EPHA6: variants seen among roughly 807,000 people sequenced by gnomAD.
EPHA6 encodes the protein ephrin type-A receptor 6.
In EPHA6, 50 loss-of-function variants were observed where a neutral mutation model predicts 112.0. That is an observed-to-expected ratio of 0.45 (90% CI 0.36 to 0.56). The LOEUF is 0.56. EPHA6 is among the 20% of genes least tolerant of loss of function. The pLI, the probability that EPHA6 is intolerant of heterozygous loss-of-function variation, is 0.00. For synonymous variants in EPHA6, 529 were observed against 490.7 expected (o/e 1.08, Z -1.03); for missense variants, 1,280 against 1,417.4 (o/e 0.90, Z 1.56).
intron 4 of EPHA6, among the ~76,000 whole-genome samples, chr3:97,236,585 T>C (rs2108566464): frequency 6.6e-6 from 1 of 152,272 alleles, no homozygotes; most frequent in South Asian, 2.1e-4. Flanking sequence ...TCTTTTGTAT[T>C]GTTTTATCTA....
intron 3 of EPHA6, among the ~76,000 whole-genome samples, chr3:97,070,874 T>A (rs2046328815): frequency 6.6e-6 from 1 of 152,136 alleles, no homozygotes; most frequent in Non-Finnish European, 1.5e-5. Context: ...AAGTTTTCTA[T>A]CAAATTTTAG....
At chr3:97,187,613 GAAAA>G (rs1247735291) in intron 3 of EPHA6, among the ~76,000 whole-genome samples, 1 of 123,696 alleles carries the variant, frequency 8.1e-6, no homozygotes, top group East Asian at 2.3e-4. Context: ...GAGAAAGAAA[GAAAA>G]AGAAAGAAAG....
intron 7 of EPHA6, among the ~76,000 whole-genome samples, chr3:97,460,341 G>A (rs1412507468): frequency 6.6e-6 from 1 of 152,100 alleles, no homozygotes. Flanking sequence ...TTATGTTTTG[G>A]TTTCCTCATG....
chr3:97,184,777 A>G (rs944815238), intron 3 of EPHA6, among the ~76,000 whole-genome samples: 7 of 152,208 alleles, frequency 4.6e-5, no homozygotes, highest in African/African-American at 1.4e-4. Flanking sequence ...AGCCAAAAGA[A>G]CAAAGCTGGA....
At chr3:96,998,642 G>T (rs571053028) in intron 3 of EPHA6, among the ~76,000 whole-genome samples, 2 of 152,000 alleles carry the variant, frequency 1.3e-5, no homozygotes, top group East Asian at 3.9e-4. Flanking sequence ...TTTCTTGGGA[G>T]ATTATGTATA....
intron 8 of EPHA6, 94 bp downstream of exon 8, chr3:97,475,554 C>T: frequency 2.4e-6 from 2 of 842,236 alleles, no homozygotes; most frequent in Non-Finnish European, 3.7e-6. Context: ...TAACAAAGCA[C>T]ACCTGAGGTC....
intron 5 of EPHA6, among the ~76,000 whole-genome samples, chr3:97,272,766 G>T (rs1016574423): frequency 6.6e-6 from 1 of 152,042 alleles, no homozygotes; most frequent in African/African-American, 2.4e-5. Flanking sequence ...TTCTTTTGTG[G>T]TGGAATGTCA....
At chr3:97,486,165 G>T (rs79096194) in intron 10 of EPHA6, among the ~76,000 whole-genome samples, 1 of 152,004 alleles carries the variant, frequency 6.6e-6, no homozygotes, top group Admixed American at 6.6e-5. Flanking sequence ...TCATAATGGC[G>T]TTTATCTCAT....
chr3:97,008,091 A>G (rs896649010), intron 3 of EPHA6, among the ~76,000 whole-genome samples: 4 of 151,962 alleles, frequency 2.6e-5, no homozygotes, highest in Non-Finnish European at 4.4e-5. Context: ...CTTGCAGATT[A>G]TGTTCTTGTG....
intron 14 of EPHA6, among the ~76,000 whole-genome samples, chr3:97,718,406 T>TA (rs1341251381): frequency 6.6e-6 from 1 of 152,144 alleles, no homozygotes; most frequent in African/African-American, 2.4e-5. Context: ...ATTTAGTAAA[T>TA]AAAAATATAG....
chr3:97,318,533 T>C (rs1243639061), intron 5 of EPHA6, among the ~76,000 whole-genome samples: 2 of 152,132 alleles, frequency 1.3e-5, no homozygotes, highest in Non-Finnish European at 2.9e-5. Context: ...ACTCTTCTTG[T>C]TAAGGTCTCC....
intron 3 of EPHA6, among the ~76,000 whole-genome samples, chr3:97,017,973 G>C (rs1026080489): frequency 6.7e-6 from 1 of 148,512 alleles, no homozygotes; most frequent in South Asian, 2.2e-4. Flanking sequence ...ATGCTTTACT[G>C]TTTCTTATTC....
intron 14 of EPHA6, among the ~76,000 whole-genome samples, chr3:97,668,302 A>AT (rs2030377535): frequency 1.3e-5 from 2 of 152,138 alleles, no homozygotes; most frequent in African/African-American, 4.8e-5. Context: ...TGACTCCCAG[A>AT]TTTTTTTATA....
chr3:97,618,566 A>G (rs1307324283), intron 13 of EPHA6, among the ~76,000 whole-genome samples: 2 of 152,074 alleles, frequency 1.3e-5, no homozygotes, highest in Non-Finnish European at 2.9e-5. Context: ...AAATAACACA[A>G]TCAGAAATGA....
At chr3:97,362,295 T>TGCC (rs2084413962) in intron 5 of EPHA6, among the ~76,000 whole-genome samples, 1 of 152,122 alleles carries the variant, frequency 6.6e-6, no homozygotes, top group African/African-American at 2.4e-5. Context: ...ATCAGCTTAT[T>TGCC]TATGAGCATG....
At chr3:97,010,120 C>T in intron 3 of EPHA6, 1 of 1,243,312 alleles carries the variant, frequency 8.0e-7, no homozygotes, top group Middle Eastern at 2.9e-4. Context: ...TAAACGGTTA[C>T]ATTTACAGCC....
chr3:97,698,164 G>A lies in EPHA6; in HGVS notation c.2785-22097G>A, dbSNP rs544502597. Among the ~76,000 whole-genome samples the A allele has an allele frequency of 2.3e-4, 35 of 152,112 alleles. No individual in the cohort carries two copies. In the South Asian group the frequency reaches 5.2e-3, roughly 23 times the overall value. Reference sequence around the variant, plus strand: ...ATTAGAGGCATGCACCACCATGCCCGGCTAATTTTGTATTTTTAGTAGTGA... The same window carrying A: ...ATTAGAGGCATGCACCACCATGCCCAGCTAATTTTGTATTTTTAGTAGTGA... On this transcript the variant is annotated intron_variant, in intron 14 of 17. Coordinates refer to ENST00000389672, the MANE Select transcript of EPHA6 (RefSeq NM_001080448.3).
At chr3:97,189,852 A>G (rs1055468135) in intron 3 of EPHA6, among the ~76,000 whole-genome samples, 2 of 152,138 alleles carry the variant, frequency 1.3e-5, no homozygotes, top group African/African-American at 2.4e-5. Context: ...ATGAATATAT[A>G]TAGATATATT....
intron 2 of EPHA6, among the ~76,000 whole-genome samples, chr3:96,958,265 G>T (rs975380380): frequency 6.6e-6 from 1 of 151,466 alleles, no homozygotes; most frequent in Non-Finnish European, 1.5e-5. Context: ...ACTCCAGCCT[G>T]GATGACAAAA....
Sources: allele counts gnomAD v4.1 joint callset (sites outside exome capture counted in the v4.1 genomes callset), GRCh38; gene constraint gnomAD v4.1.1; transcripts MANE v1.5; gene names NCBI Gene and HGNC (gene_info 2026-07-23, HGNC 2026-07-21).